The following EPHA7 variants were observed in gnomAD, a reference collection of about 807,000 sequenced individuals.
EPHA7 encodes ephrin type-A receptor 7.
In EPHA7, 25 loss-of-function variants were observed where a neutral mutation model predicts 112.6. That is an observed-to-expected ratio of 0.22 (90% confidence interval 0.16 to 0.31). The LOEUF is 0.31. Among genes scored for constraint, EPHA7 ranks in the 10% least tolerant of loss-of-function variants. The probability of loss-of-function intolerance (pLI) is 1.00; values close to 1 mark genes in which losing one functional copy is unlikely to be tolerated. For synonymous variants in EPHA7, 437 were observed against 406.5 expected (o/e 1.07, Z -0.90); for missense variants, 962 against 1,212.6 (o/e 0.79, Z 3.07).
At chr6:93,299,085 G>C (rs1430323638) in intron 5 of EPHA7, among the ~76,000 whole-genome samples, 1 of 151,318 alleles carries the variant, frequency 6.6e-6, no homozygotes. Flanking sequence ...CCAGCACTTT[G>C]GGAGGCCGAG....
In EPHA7 at chr6:93,419,534, T is replaced by A; in HGVS notation, c.-193A>T. The A allele has an allele frequency of 2.0e-6, 1 of 503,652 alleles. No individual in the cohort carries two copies. Among genetic ancestry groups the A allele is most frequent in the South Asian group, 2.5e-5 (1 of 39,270 alleles). 31.2% of individuals were successfully genotyped at this position (503,652 alleles called of 1,614,324 possible). A position where few individuals can be genotyped will look rare whatever the true frequency, so the allele number is the denominator to read the frequency against. On this transcript the variant is annotated 5_prime_UTR_variant, in exon 1 of 17. Coordinates refer to ENST00000369303, the MANE Select transcript of EPHA7 (RefSeq NM_004440.4). ...TCCTGTTCGCTCGCACCGTGTTTGC[T>A]GCCTGCAAGTCTCCGACTGCAGACC...
intron 3 of EPHA7, among the ~76,000 whole-genome samples, chr6:93,407,328 C>G (rs1471457323): frequency 6.6e-6 from 1 of 151,946 alleles, no homozygotes; most frequent in Non-Finnish European, 1.5e-5. Context: ...CAATATAGGA[C>G]TGGAATTTGT....
chr6:93,413,003 T>C (rs1371542085), intron 2 of EPHA7, among the ~76,000 whole-genome samples: 3 of 151,956 alleles, frequency 2.0e-5, no homozygotes, highest in Non-Finnish European at 2.9e-5. Context: ...ACTACAAACA[T>C]TGAGACTACA....
chr6:93,315,151 C>T (rs573211869), intron 5 of EPHA7, among the ~76,000 whole-genome samples: 1 of 150,142 alleles, frequency 6.7e-6, no homozygotes. Flanking sequence ...CGTGAGCCAC[C>T]GCGCCTGGCC....
At chr6:93,256,858 C>G (rs1388883808) in intron 12 of EPHA7, among the ~76,000 whole-genome samples, 1 of 151,978 alleles carries the variant, frequency 6.6e-6, no homozygotes, top group African/African-American at 2.4e-5. Flanking sequence ...TGCATGTTCT[C>G]TTTTTCTTTA....
At chr6:93,403,606 C>T (rs1244796672) in intron 3 of EPHA7, among the ~76,000 whole-genome samples, 1 of 150,230 alleles carries the variant, frequency 6.7e-6, no homozygotes, top group Admixed American at 6.6e-5. Context: ...ACTATGGTTG[C>T]ACCTGTGAAT....
intron 3 of EPHA7, among the ~76,000 whole-genome samples, chr6:93,381,731 C>CTT (rs3839556): frequency 0.015 from 2,270 of 148,828 alleles, 28 homozygotes; most frequent in African/African-American, 0.037. Context: ...CTTTTTATTT[C>CTT]TTTTTTTTTT....
intron 14 of EPHA7, among the ~76,000 whole-genome samples, chr6:93,253,683 C>T (rs3799816): frequency 0.44 from 67,062 of 151,792 alleles, 15,718 homozygotes; most frequent in South Asian, 0.7. Flanking sequence ...TCCATTTGAT[C>T]GGTCTTCATA....
rs977646002 is a variant in EPHA7 at position 93,272,261 on chromosome 6, C to G, written c.1449+37G>C. 7 of 1,608,236 alleles carry G rather than the reference C, an allele frequency of 4.4e-6. No homozygotes were observed. The African/African-American group carries it at 5.4e-5, about 12-fold the overall frequency. On this transcript the variant is annotated intron_variant, in intron 6 of 16. Transcript: ENST00000369303. The stretch of plus-strand genomic sequence containing the variant: ...ATACAGTAGGATGACATGAGACACA[C>G]AGCACATTGTACATTTCAGTTGCTC...
intron 11 of EPHA7, 131 bp from the exon 12 acceptor site, chr6:93,257,654 T>C: frequency 1.6e-6 from 1 of 616,386 alleles, no homozygotes; most frequent in Non-Finnish European, 2.8e-6. Context: ...ATTTCTTTTA[T>C]TGTTGCTGCT....
chr6:93,340,957 G>A (rs1775108861), intron 5 of EPHA7, among the ~76,000 whole-genome samples: 1 of 151,880 alleles, frequency 6.6e-6, no homozygotes, highest in Non-Finnish European at 1.5e-5. Context: ...GAGAACTCAG[G>A]GCAAGAGGCA....
At chr6:93,326,817 G>T (rs1463786741) in intron 5 of EPHA7, among the ~76,000 whole-genome samples, 2 of 151,358 alleles carry the variant, frequency 1.3e-5, no homozygotes, top group Non-Finnish European at 3.0e-5. Flanking sequence ...TCAATGAATG[G>T]GCAGAAACAA....
intron 3 of EPHA7, among the ~76,000 whole-genome samples, chr6:93,401,884 C>A (rs903760560): frequency 6.6e-6 from 1 of 151,842 alleles, no homozygotes; most frequent in Non-Finnish European, 1.5e-5. Flanking sequence ...TATAAAATAA[C>A]TAATGATAGA....
chr6:93,372,209 T>C (rs1776834730), intron 3 of EPHA7, among the ~76,000 whole-genome samples: 1 of 152,142 alleles, frequency 6.6e-6, no homozygotes, highest in African/African-American at 2.4e-5. Context: ...TGAACACCAA[T>C]GATAAAGGAG....
chr6:93,409,445 T>C (rs9452305), intron 3 of EPHA7, among the ~76,000 whole-genome samples: 5,543 of 152,100 alleles, frequency 0.036, 339 homozygotes, highest in African/African-American at 0.13. Context: ...AATAAGCTTG[T>C]GTATGTAAAG....
rs9363078 is a variant in EPHA7 at position 93,411,228 on chromosome 6, G to C, written c.163-58C>G. On this transcript the variant is annotated intron_variant, in intron 2 of 16. Coordinates refer to ENST00000369303, the MANE Select transcript of EPHA7 (RefSeq NM_004440.4). ...CAGCAAAAAATAACATTTTGCTTTT[G>C]AAAGTGCAAGTACTTCACAAATACA... The C allele has an allele frequency of 5.6e-4, 779 of 1,393,568 alleles. 4 individuals are homozygous for C. In the East Asian group the frequency reaches 0.017, roughly 30 times the overall value. 86.3% of individuals were successfully genotyped at this position (1,393,568 alleles called of 1,614,324 possible).
chr6:93,347,839 AAT>A (rs1216379844), intron 5 of EPHA7, among the ~76,000 whole-genome samples: 1 of 151,818 alleles, frequency 6.6e-6, no homozygotes, highest in African/African-American at 2.4e-5. Flanking sequence ...GAGGGGACAC[AAT>A]TCCATCACAG....
rs764641235 is a variant in EPHA7, at chr6:93,272,292, ACTTACTTT to A, written c.1447_1449+5del. 6.2e-7 allele frequency: 1 copy of A among 1,611,446 alleles called. No individual in the cohort carries two copies. Among genetic ancestry groups the A allele is most frequent in the Admixed American group, 1.7e-5 (1 of 59,894 alleles). ...ATTGTACATTTCAGTTGCTCTTAGC[ACTTACTTT>A]CTCGTAATACTTGATTTCATATTCT... On this transcript the variant is annotated splice_donor_variant and splice_donor_5th_base_variant and coding_sequence_variant and intron_variant, in exon 6 of 17. Coordinates refer to ENST00000369303, the MANE Select transcript of EPHA7 (RefSeq NM_004440.4). LOFTEE classifies it high-confidence loss of function.
chr6:93,259,568 T>C (rs567729858), intron 9 of EPHA7, 89 bp from the exon 10 acceptor site: 4 of 1,501,208 alleles, frequency 2.7e-6, no homozygotes, highest in African/African-American at 2.8e-5. Flanking sequence ...GAGTGCTCCT[T>C]GGAACAGTGA....
Sources: allele counts gnomAD v4.1 joint callset (sites outside exome capture counted in the v4.1 genomes callset), GRCh38; gene constraint gnomAD v4.1.1; transcripts MANE v1.5; gene names NCBI Gene and HGNC (gene_info 2026-07-23, HGNC 2026-07-21).